RIMS2: variants seen among roughly 807,000 people sequenced by gnomAD.
RIMS2 encodes regulating synaptic membrane exocytosis 2.
A neutral mutation model predicts 174.4 loss-of-function variants in RIMS2; 59 were observed. That is an observed-to-expected ratio of 0.34 (90% CI 0.27 to 0.42). The LOEUF (loss-of-function observed/expected upper bound fraction) is 0.42. RIMS2 is among the 10% of genes least tolerant of loss of function. The pLI is 1.00. For synonymous variants in RIMS2, 606 were observed against 572.5 expected (o/e 1.06, Z -0.84); for missense variants, 1,620 against 1,666.3 (o/e 0.97, Z 0.48).
chr8:104,250,897 G>A, intron 22 of RIMS2, 127 bp from the exon 29 acceptor site: 1 of 771,318 alleles, frequency 1.3e-6, no homozygotes, highest in Admixed American at 2.3e-5. Flanking sequence ...ACAGAATGCA[G>A]CTAGGCCAGT....
intron 19 of RIMS2, among the ~76,000 whole-genome samples, chr8:104,192,545 C>T (rs778651597): frequency 6.6e-6 from 1 of 151,944 alleles, no homozygotes; most frequent in Non-Finnish European, 1.5e-5. Flanking sequence ...AATGTATTAG[C>T]TAATATAGAA....
chr8:103,766,480 C>T (rs538821594), exon 3 of RIMS2: 1 of 1,613,842 alleles, frequency 6.2e-7, no homozygotes, highest in African/African-American at 1.3e-5. Flanking sequence ...AGACAGCATT[C>T]TATTAAAAAT....
At chr8:103,918,295 T>C (rs1237509090) in intron 8 of RIMS2, 146 bp from the exon 12 acceptor site, 1 of 504,360 alleles carries the variant, frequency 2.0e-6, no homozygotes, top group African/African-American at 1.9e-5. Context: ...AAGGCTTGTT[T>C]GTTTCTTATT....
chr8:103,866,693 A>G (rs944858844), intron 3 of RIMS2, among the ~76,000 whole-genome samples: 1 of 152,080 alleles, frequency 6.6e-6, no homozygotes, highest in African/African-American at 2.4e-5. Flanking sequence ...ACATGGTAAT[A>G]TGCTTACTAA....
intron 2 of RIMS2, among the ~76,000 whole-genome samples, chr8:103,723,750 C>T (rs2138551915): frequency 6.6e-6 from 1 of 152,284 alleles, no homozygotes; most frequent in East Asian, 1.9e-4. Flanking sequence ...GTCCCTGAGC[C>T]AACATGAAAG....
chr8:103,677,836 A>G (rs906685062), intron 1 of RIMS2, among the ~76,000 whole-genome samples: 4 of 152,222 alleles, frequency 2.6e-5, no homozygotes, highest in Admixed American at 1.3e-4. Context: ...GTGACATACA[A>G]AAATACAGAA....
intron 1 of RIMS2, among the ~76,000 whole-genome samples, chr8:103,608,960 C>T (rs1279415155): frequency 6.6e-6 from 1 of 152,224 alleles, no homozygotes; most frequent in Non-Finnish European, 1.5e-5. Flanking sequence ...TTCTGCGTTG[C>T]TCACGCTGGG....
At chr8:103,625,807 CATT>C (rs1338541137) in intron 1 of RIMS2, among the ~76,000 whole-genome samples, 7 of 152,020 alleles carry the variant, frequency 4.6e-5, no homozygotes, top group Admixed American at 6.5e-5. Context: ...GGCTTTGTAA[CATT>C]ATTCTGCTTT....
chr8:103,808,048 G>A (rs2098662011), intron 3 of RIMS2, among the ~76,000 whole-genome samples: 1 of 152,082 alleles, frequency 6.6e-6, no homozygotes, highest in Non-Finnish European at 1.5e-5. Context: ...CTAAGAAGAT[G>A]TCTATTCCTA....
chr8:103,921,826 A>C, intron 10 of RIMS2, 42 bp downstream of exon 13: 1 of 763,214 alleles, frequency 1.3e-6, no homozygotes, highest in Non-Finnish European at 2.3e-6. Flanking sequence ...GGAATATCAA[A>C]TAGTGTTTTT....
At chr8:103,612,669 A>T (rs144204915) in intron 1 of RIMS2, among the ~76,000 whole-genome samples, 17 of 152,164 alleles carry the variant, frequency 1.1e-4, no homozygotes, top group African/African-American at 4.1e-4. Flanking sequence ...ACCTCCGCCT[A>T]CTGGGTTCAA....
chr8:103,787,032 T>C (rs1265552449), intron 3 of RIMS2, among the ~76,000 whole-genome samples: 3 of 150,318 alleles, frequency 2.0e-5, no homozygotes, highest in Non-Finnish European at 4.4e-5. Flanking sequence ...GTAATGGCCT[T>C]CTTTGTCTCT....
chr8:103,523,603 A>G (rs950208332), intron 1 of RIMS2, among the ~76,000 whole-genome samples: 2 of 152,112 alleles, frequency 1.3e-5, no homozygotes, highest in African/African-American at 2.4e-5. Context: ...AGGCAGGTTG[A>G]GGGGTATGGT....
At chr8:103,547,662 T>G (rs1164275117) in intron 1 of RIMS2, among the ~76,000 whole-genome samples, 1 of 151,942 alleles carries the variant, frequency 6.6e-6, no homozygotes, top group Non-Finnish European at 1.5e-5. Context: ...CCAAAATCAG[T>G]GCTGAAGTGA....
chr8:103,716,823 T>C (rs1214989261), intron 2 of RIMS2, among the ~76,000 whole-genome samples: 1 of 152,182 alleles, frequency 6.6e-6, no homozygotes, highest in Admixed American at 6.5e-5. Flanking sequence ...TGTTTTAGAA[T>C]TTGGTAAAAT....
At chr8:104,055,775 G>A (rs1041623631) in intron 19 of RIMS2, among the ~76,000 whole-genome samples, 5 of 152,116 alleles carry the variant, frequency 3.3e-5, no homozygotes, top group African/African-American at 1.2e-4. Flanking sequence ...CTACATAAGA[G>A]CAGTCTGGGA....
intron 19 of RIMS2, among the ~76,000 whole-genome samples, chr8:104,155,477 G>A (rs1431757644): frequency 7.7e-6 from 1 of 129,740 alleles, no homozygotes; most frequent in South Asian, 2.6e-4. Context: ...ACAGTGGCGC[G>A]ATCTCGGCTC....
chr8:103,548,040 G>GCT (rs1221948801), intron 1 of RIMS2, among the ~76,000 whole-genome samples: 1 of 152,030 alleles, frequency 6.6e-6, no homozygotes, highest in African/African-American at 2.4e-5. Flanking sequence ...ATTAAAAAAA[G>GCT]CCCAGGAGCA....
chr8:103,508,108 G>A (rs1200356379), intron 1 of RIMS2, among the ~76,000 whole-genome samples: 1 of 152,044 alleles, frequency 6.6e-6, no homozygotes, highest in Non-Finnish European at 1.5e-5. Context: ...ATATCTGAAA[G>A]TTTCACTGCT....
Sources: gnomAD v4.1 joint callset for allele counts (sites outside exome capture counted in the v4.1 genomes callset) on GRCh38, gnomAD v4.1.1 for gene constraint, MANE v1.5 for transcripts, NCBI Gene and HGNC (gene_info 2026-07-23, HGNC 2026-07-21) for gene names.